Variants in CSMD1 observed in about 807,000 individuals in gnomAD.
CSMD1 encodes the protein CUB and sushi domain-containing protein 1.
CSMD1 carries 213 observed loss-of-function variants against 417.5 expected under a neutral mutation model. That is an observed-to-expected ratio of 0.51 (90% CI 0.46 to 0.57). CSMD1 has a LOEUF of 0.57. CSMD1 is among the 20% of genes least tolerant of loss of function. CSMD1 has a pLI of 0.00. For synonymous variants in CSMD1, 2,862 were observed against 1,736.8 expected (o/e 1.65, Z -16.11); for missense variants, 6,923 against 4,529.7 (o/e 1.53, Z -15.17).
chr8:3,325,552 G>T (rs1585002804), intron 23 of CSMD1, among the ~76,000 whole-genome samples: 1 of 152,202 alleles, frequency 6.6e-6, no homozygotes, highest in South Asian at 2.1e-4. Context: ...GCCTGGGCAT[G>T]CTGGCTCACG....
At chr8:3,565,103 T>C (rs1180027755) in intron 10 of CSMD1, among the ~76,000 whole-genome samples, 7 of 86,138 alleles carry the variant, frequency 8.1e-5, no homozygotes, top group Non-Finnish European at 1.5e-4. Context: ...AAAAAAATAC[T>C]CTTACTTAAC....
intron 1 of CSMD1, among the ~76,000 whole-genome samples, chr8:4,899,567 C>G (rs1414066841): frequency 2.0e-5 from 3 of 152,116 alleles, no homozygotes; most frequent in Non-Finnish European, 4.4e-5. Flanking sequence ...TCATGGTGAT[C>G]TGGACACTGA....
At chr8:4,193,718 C>A (rs181945969) in intron 3 of CSMD1, among the ~76,000 whole-genome samples, 1 of 152,248 alleles carries the variant, frequency 6.6e-6, no homozygotes, top group African/African-American at 2.4e-5. Flanking sequence ...GGCGCAGGAA[C>A]CACGTCTCCA....
intron 8 of CSMD1, among the ~76,000 whole-genome samples, chr8:3,600,930 A>G (rs748135244): frequency 6.6e-6 from 1 of 152,212 alleles, no homozygotes; most frequent in Non-Finnish European, 1.5e-5. Context: ...GAAAATGTGG[A>G]TAGAGAGGAA....
intron 26 of CSMD1, among the ~76,000 whole-genome samples, chr8:3,252,909 T>C (rs1372374579): frequency 1.3e-5 from 2 of 152,218 alleles, no homozygotes; most frequent in Non-Finnish European, 2.9e-5. Context: ...GGTGGTGATA[T>C]TACCTTTATC....
intron 7 of CSMD1, among the ~76,000 whole-genome samples, chr8:3,632,425 G>T (rs77424404): frequency 6.6e-6 from 1 of 152,052 alleles, no homozygotes; most frequent in Non-Finnish European, 1.5e-5. Flanking sequence ...CCATGTTATA[G>T]GAGATTATTT....
At chr8:4,016,146 G>C (rs961845780) in intron 4 of CSMD1, among the ~76,000 whole-genome samples, 5 of 152,170 alleles carry the variant, frequency 3.3e-5, no homozygotes, top group African/African-American at 4.8e-5. Flanking sequence ...ATTTTAGATA[G>C]GATTGCATAA....
At chr8:3,820,689 C>T (rs1801685161) in intron 5 of CSMD1, among the ~76,000 whole-genome samples, 1 of 152,152 alleles carries the variant, frequency 6.6e-6, no homozygotes, top group Non-Finnish European at 1.5e-5. Context: ...TATTCTCTTG[C>T]CTTAGCCTCC....
chr8:3,599,811 T>C (rs1284011666), intron 8 of CSMD1, among the ~76,000 whole-genome samples: 2 of 152,192 alleles, frequency 1.3e-5, no homozygotes, highest in East Asian at 1.9e-4. Flanking sequence ...CTCCTGTCTT[T>C]CATCAAAATC....
intron 49 of CSMD1, among the ~76,000 whole-genome samples, 162 bp from the exon 50 acceptor site, chr8:3,052,809 T>G (rs1292417519): frequency 1.3e-5 from 2 of 150,976 alleles, no homozygotes; most frequent in Admixed American, 6.6e-5. Flanking sequence ...GAGACAAGAG[T>G]TTTGTGCTGT....
chr8:3,271,796 A>C (rs1310601119), intron 26 of CSMD1, among the ~76,000 whole-genome samples: 4 of 151,828 alleles, frequency 2.6e-5, no homozygotes. Context: ...TTTCTTGTAA[A>C]TTTGTTTGAG....
intron 2 of CSMD1, among the ~76,000 whole-genome samples, chr8:4,571,225 T>C (rs913091327): frequency 1.2e-4 from 18 of 152,200 alleles, no homozygotes; most frequent in African/African-American, 4.3e-4. Context: ...TTCTTTCAGT[T>C]GTGATGTTAG....
Position 3,287,734 on chromosome 8 carries a change from C to T in CSMD1, c.3951-3388G>A, listed in dbSNP as rs188631419. ...CGATGGGGTTTTCTCCATATACAATCACGTCATCTGCCAACAGGGACAATT... is the reference window on the plus strand; with the variant it reads ...CGATGGGGTTTTCTCCATATACAATTACGTCATCTGCCAACAGGGACAATT... On this transcript the variant is annotated intron_variant, in intron 25 of 69. Transcript: ENST00000635120. 9.2e-4 allele frequency among the ~76,000 whole-genome samples: 140 copies of T among 152,278 alleles called. 1 individual carries two copies. The highest frequency in any genetic ancestry group is 3.1e-3 in the African/African-American group (130 of 41,558).
intron 3 of CSMD1, among the ~76,000 whole-genome samples, chr8:4,319,508 G>C (rs1417009189): frequency 6.6e-6 from 1 of 151,994 alleles, no homozygotes; most frequent in Non-Finnish European, 1.5e-5. Context: ...TTTACTCTCA[G>C]AGCAGAAAAT....
chr8:3,689,954 A>G (rs1382418126), intron 7 of CSMD1, among the ~76,000 whole-genome samples: 2 of 152,238 alleles, frequency 1.3e-5, no homozygotes, highest in Non-Finnish European at 2.9e-5. Flanking sequence ...AAAGTGCTAT[A>G]CAGTGTCACC....
At chr8:4,766,855 T>C (rs1202452311) in intron 1 of CSMD1, among the ~76,000 whole-genome samples, 2 of 152,232 alleles carry the variant, frequency 1.3e-5, no homozygotes, top group Non-Finnish European at 2.9e-5. Flanking sequence ...CTCATATGTA[T>C]AAATATATAA....
chr8:4,708,750 C>T (rs1004194316), intron 1 of CSMD1, among the ~76,000 whole-genome samples: 1 of 151,992 alleles, frequency 6.6e-6, no homozygotes, highest in Non-Finnish European at 1.5e-5. Flanking sequence ...ATATAAAGTC[C>T]TAACCCCCAG....
intron 6 of CSMD1, among the ~76,000 whole-genome samples, chr8:3,725,286 C>T (rs139407217): frequency 1.3e-5 from 2 of 152,224 alleles, no homozygotes; most frequent in African/African-American, 4.8e-5. Context: ...GGTCCAGGGC[C>T]ATGAAGACCT....
intron 18 of CSMD1, among the ~76,000 whole-genome samples, chr8:3,371,149 C>A (rs965992449): frequency 6.6e-5 from 10 of 152,140 alleles, no homozygotes; most frequent in Non-Finnish European, 1.0e-4. Context: ...ATGCCACTGG[C>A]TTTTCCAGAT....
Sources: allele counts gnomAD v4.1 joint callset (sites outside exome capture counted in the v4.1 genomes callset), GRCh38; gene constraint gnomAD v4.1.1; transcripts MANE v1.5; gene names NCBI Gene and HGNC (gene_info 2026-07-23, HGNC 2026-07-21).